MC2R: variants seen among roughly 807,000 people sequenced by gnomAD.
MC2R encodes the protein melanocortin 2 receptor, also known as adrenocorticotropic hormone receptor.
Under a neutral mutation model 9.8 loss-of-function variants are expected in MC2R, and 9 were observed. The observed-to-expected ratio is 0.92, with a 90% confidence interval of 0.55 to 1.60. The LOEUF (loss-of-function observed/expected upper bound fraction) is 1.60, where lower values mean the gene tolerates loss of function less well. Among genes scored for constraint, MC2R ranks in the 40% most tolerant of loss-of-function variants. MC2R has a pLI of 0.00. For missense variants in MC2R, 370 were observed against 389.0 expected (o/e 0.95, Z 0.41); for synonymous variants, 185 against 154.7 (o/e 1.20, Z -1.45).
At position 13,884,927 on chromosome 18, in the gene MC2R, G is replaced by T; in HGVS notation, c.592C>A (p.Leu198Met). The T allele has an allele frequency of 1.2e-6, 2 of 1,613,902 alleles. No homozygotes were observed. The highest frequency in any genetic ancestry group is 1.7e-6 in the Non-Finnish European group (2 of 1,180,016). ...FILCLYVHMFLLARSHTRKIS... is the reference protein window; with the variant it reads ...FILCLYVHMFMLARSHTRKIS... Reference sequence around the variant, plus strand: ...TTCCTGGTGTGGGATCGAGCCAGCAGGAACATGTGCACATAGAGGCACAGG... The same window carrying T: ...TTCCTGGTGTGGGATCGAGCCAGCATGAACATGTGCACATAGAGGCACAGG... The change falls in exon 2 of 2, where the codon CTG becomes ATG. Residue 198 changes from leucine (L) to methionine (M), a missense_variant. Transcript: ENST00000327606.
At chr18:13,905,005 A>G (rs1424923237) in intron 1 of MC2R, among the ~76,000 whole-genome samples, 1 of 152,244 alleles carries the variant, frequency 6.6e-6, no homozygotes, top group African/African-American at 2.4e-5. Context: ...AAATGCCAAA[A>G]GCAATTGCAA....
Position 13,887,591 on chromosome 18 carries a change from A to G in MC2R, c.-128-1945T>C, listed in dbSNP as rs1216803308. ...GTGTGTCTGAGGGTGTTTCTGGGTG[A>G]GATGCACATTTGAACAGGTTACTGA... On this transcript the variant is annotated intron_variant, in intron 1 of 1. Transcript: ENST00000327606. Among the ~76,000 whole-genome samples the G allele has an allele frequency of 3.3e-5, 5 of 152,258 alleles. No individual in the cohort carries two copies. The South Asian group carries it at 1.0e-3, about 32-fold the overall frequency.
intron 1 of MC2R, among the ~76,000 whole-genome samples, chr18:13,890,170 C>G (rs1405058099): frequency 6.6e-5 from 10 of 152,146 alleles, no homozygotes; most frequent in Admixed American, 4.6e-4. Context: ...ATTTAGAGAA[C>G]AGCAAGACCT....
At chr18:13,893,219 T>C (rs2045327376) in intron 1 of MC2R, among the ~76,000 whole-genome samples, 1 of 152,250 alleles carries the variant, frequency 6.6e-6, no homozygotes, top group African/African-American at 2.4e-5. Context: ...TTTATATGTC[T>C]GCATGATTCA....
chr18:13,883,830 T>C lies in MC2R; in HGVS notation c.*795A>G, dbSNP rs1226832604. 1.3e-5 allele frequency: 2 copies of C among 152,424 alleles called. No individual in the cohort carries two copies. Among genetic ancestry groups the C allele is most frequent in the African/African-American group, 4.8e-5 (2 of 41,580 alleles). 9.4% of individuals were successfully genotyped at this position (152,424 alleles called of 1,614,324 possible). On this transcript the variant is annotated 3_prime_UTR_variant, in exon 2 of 2. Transcript: ENST00000327606. ...ACTAAATGGATTAAATTTTCATTTC[T>C]TCCTTTGAAATGTATGCTCATAAAG...
At chr18:13,907,092 G>A (rs1028940483) in intron 1 of MC2R, among the ~76,000 whole-genome samples, 1 of 152,160 alleles carries the variant, frequency 6.6e-6, no homozygotes, top group Non-Finnish European at 1.5e-5. Context: ...GAGCAAAGTT[G>A]GAGGAATCAC....
intron 1 of MC2R, among the ~76,000 whole-genome samples, chr18:13,893,889 A>G (rs2045331181): frequency 6.6e-6 from 1 of 152,224 alleles, no homozygotes; most frequent in Non-Finnish European, 1.5e-5. Flanking sequence ...TGTTATGGAA[A>G]GGAGCTGAAT....
At chr18:13,885,924 T>C (rs957949259) in intron 1 of MC2R, among the ~76,000 whole-genome samples, 6 of 152,226 alleles carry the variant, frequency 3.9e-5, no homozygotes, top group African/African-American at 1.4e-4. Flanking sequence ...TCATGTCTTT[T>C]GCAGCAACAT....
At chr18:13,910,608 G>T (rs1283644593) in intron 1 of MC2R, among the ~76,000 whole-genome samples, 2 of 152,158 alleles carry the variant, frequency 1.3e-5, no homozygotes, top group Non-Finnish European at 2.9e-5. Context: ...AGTGCCTGAG[G>T]GGGAGCTTGT....
chr18:13,889,738 G>A (rs1040610588), intron 1 of MC2R, among the ~76,000 whole-genome samples: 5 of 152,166 alleles, frequency 3.3e-5, no homozygotes, highest in Admixed American at 3.3e-4. Flanking sequence ...CAAGGGTAAG[G>A]AGAAGGCTCT....
chr18:13,886,061 T>C (rs2045274322), intron 1 of MC2R, among the ~76,000 whole-genome samples: 1 of 151,666 alleles, frequency 6.6e-6, no homozygotes, highest in Non-Finnish European at 1.5e-5. Context: ...GGAATGGACA[T>C]TGGAGACTCG....
intron 1 of MC2R, among the ~76,000 whole-genome samples, chr18:13,901,455 A>G (rs1158149995): frequency 1.3e-5 from 2 of 152,052 alleles, no homozygotes; most frequent in African/African-American, 2.4e-5. Context: ...AGAAAGAAAT[A>G]GTTGATTTTT....
chr18:13,886,622 C>T (rs2045277804), intron 1 of MC2R, among the ~76,000 whole-genome samples: 2 of 152,136 alleles, frequency 1.3e-5, no homozygotes, highest in South Asian at 4.2e-4. Context: ...TGTATCATTC[C>T]CAAAGATGAC....
rs564818965 is a variant in MC2R, at chr18:13,911,067, G to T, written c.-129+4421C>A. ...CAGCGTGGCTCAGCAGGGAACACAG[G>T]CAGGTGCAGTTGCCTTAGGTGAGAG... On this transcript the variant is annotated intron_variant, in intron 1 of 1. Coordinates refer to ENST00000327606, the MANE Select transcript of MC2R (RefSeq NM_000529.2). Among the ~76,000 whole-genome samples, 11 of 152,350 alleles carry T rather than the reference G, an allele frequency of 7.2e-5. No homozygotes were observed. The East Asian group carries it at 7.7e-4, about 11-fold the overall frequency.
In MC2R at chr18:13,885,562, C is replaced by A; in HGVS notation, c.-44G>T. On this transcript the variant is annotated 5_prime_UTR_variant, in exon 2 of 2. Coordinates refer to ENST00000327606, the MANE Select transcript of MC2R (RefSeq NM_000529.2). ...AGGCGGGGATGTTACTTGGACTTGA[C>A]TTCACGGAAAACTTGATTGATTCTT... 1.9e-6 allele frequency: 3 copies of A among 1,606,692 alleles called. No individual in the cohort carries two copies. Among genetic ancestry groups the A allele is most frequent in the South Asian group, 1.1e-5 (1 of 90,436 alleles).
chr18:13,886,322 T>C (rs2045275903), intron 1 of MC2R, among the ~76,000 whole-genome samples: 1 of 152,232 alleles, frequency 6.6e-6, no homozygotes, highest in Non-Finnish European at 1.5e-5. Context: ...AGCCGAGAGA[T>C]GATAGCAAAG....
In MC2R at chr18:13,884,953, A is replaced by G; in HGVS notation, c.566T>C (p.Ile189Thr). The change falls in exon 2 of 2, where the codon ATC (isoleucine) becomes ACC (threonine). Residue 189 changes from isoleucine (I) to threonine (T), a missense_variant. Physicochemically the swap from Ile to Thr is moderately conservative, Grantham distance 89 (BLOSUM62 -1). Transcript: ENST00000327606. The part of the protein sequence containing the change: ...TSLFPLMLVF[I>T]LCLYVHMFLL... ...GAACATGTGCACATAGAGGCACAGG[A>G]TGAAGACCAGCATCAGCGGGAACAG... 1 of 1,614,118 alleles carries G rather than the reference A, an allele frequency of 6.2e-7. No homozygotes were observed. The highest frequency in any genetic ancestry group is 8.5e-7 in the Non-Finnish European group (1 of 1,180,028).
At chr18:13,908,706 T>TTTGTGTGTGTGTATGTGTGTG (rs374040158) in intron 1 of MC2R, among the ~76,000 whole-genome samples, 1 of 142,594 alleles carries the variant, frequency 7.0e-6, no homozygotes. Context: ...CAGGAGCTTC[T>TTTGTGTGTGTGTATGTGTGTG]TGTGTGTGTG....
chr18:13,908,952 G>A lies in MC2R; in HGVS notation c.-129+6536C>T, dbSNP rs76259747. Among the ~76,000 whole-genome samples, 178 of 152,224 alleles carry A rather than the reference G, an allele frequency of 1.2e-3. 1 individual carries two copies. Among genetic ancestry groups the A allele is most frequent in the Middle Eastern group, 6.8e-3 (2 of 294 alleles). ...CATGTTAACATCTTACCTGAGTATG[G>A]TGCATTTATCGCAACTAGTGGACCA... is the stretch of plus-strand genomic sequence containing the variant. On this transcript the variant is annotated intron_variant, in intron 1 of 1. Coordinates refer to ENST00000327606, the MANE Select transcript of MC2R (RefSeq NM_000529.2).
Sources: allele counts gnomAD v4.1 joint callset (sites outside exome capture counted in the v4.1 genomes callset), GRCh38; gene constraint gnomAD v4.1.1; transcripts MANE v1.5; gene names NCBI Gene and HGNC (gene_info 2026-07-23, HGNC 2026-07-21).